KLHL14: variants seen among roughly 807,000 people sequenced by gnomAD.
KLHL14 encodes kelch-like protein 14.
In KLHL14, 22 loss-of-function variants were observed where a neutral mutation model predicts 64.3. The ratio of observed to expected loss-of-function variants is 0.34; its 90% CI spans 0.24 to 0.49. The LOEUF (loss-of-function observed/expected upper bound fraction) is 0.49, where lower values mean the gene tolerates loss of function less well. Among genes scored for constraint, KLHL14 ranks in the 20% least tolerant of loss-of-function variants. The probability of loss-of-function intolerance (pLI) is 0.99; values close to 1 mark genes in which losing one functional copy is unlikely to be tolerated. For synonymous variants in KLHL14, 322 were observed against 333.4 expected (o/e 0.97, Z 0.37); for missense variants, 661 against 789.0 (o/e 0.84, Z 1.94).
At chr18:32,740,188 A>G (rs1387327704) in intron 3 of KLHL14, among the ~76,000 whole-genome samples, 1 of 152,200 alleles carries the variant, frequency 6.6e-6, no homozygotes, top group Non-Finnish European at 1.5e-5. Context: ...TAAGGTGACC[A>G]TATGTTCCAG....
chr18:32,769,018 A>G (rs2144197521), intron 2 of KLHL14, among the ~76,000 whole-genome samples: 1 of 152,370 alleles, frequency 6.6e-6, no homozygotes, highest in South Asian at 2.1e-4. Context: ...GCTTTCCACA[A>G]CATAGAAAAG....
At chr18:32,734,030 C>A in intron 3 of KLHL14, 1 of 632,124 alleles carries the variant, frequency 1.6e-6, no homozygotes, top group Non-Finnish European at 2.9e-6. Flanking sequence ...ACCCAGAGGT[C>A]CTCCACAATG....
chr18:32,772,726 C>T lies in KLHL14; in HGVS notation c.-103G>A, dbSNP rs968780840. 2.0e-5 allele frequency: 3 copies of T among 152,760 alleles called. No individual in the cohort carries two copies. Among genetic ancestry groups the T allele is most frequent in the Non-Finnish European group, 4.4e-5 (3 of 68,494 alleles). The allele number at this position is 152,760 out of a possible 1,614,324, so 9.5% of individuals were successfully genotyped here. ...TAAGCTCCCCCCAAAAATCAATTGT[C>T]CTTCCTTTTTAAAGGTTTGCTGTCT... is the stretch of plus-strand genomic sequence containing the variant. On this transcript the variant is annotated 5_prime_UTR_variant, in exon 1 of 9. Coordinates refer to ENST00000359358, the MANE Select transcript of KLHL14 (RefSeq NM_020805.3).
At chr18:32,762,739 T>C (rs1236956705) in intron 2 of KLHL14, among the ~76,000 whole-genome samples, 1 of 152,138 alleles carries the variant, frequency 6.6e-6, no homozygotes, top group Non-Finnish European at 1.5e-5. Context: ...TTTAAAGAAA[T>C]CATCATTAGT....
At chr18:32,764,832 C>A (rs1278610369) in intron 2 of KLHL14, among the ~76,000 whole-genome samples, 1 of 152,064 alleles carries the variant, frequency 6.6e-6, no homozygotes, top group African/African-American at 2.4e-5. Context: ...CACTGTGTTG[C>A]TTTTTATAGA....
chr18:32,769,927 C>T lies in KLHL14; in HGVS notation c.665G>A (p.Arg222His). Residue 222 changes from arginine (R) to histidine (H), a missense_variant, in exon 2 of 9, where the codon CGC becomes CAC. By Grantham distance (29) the Arg-to-His change is conservative. This residue lies in a region of KLHL14 where 331 missense variants were observed against 339.0 expected (regional missense o/e 0.98). Transcript: ENST00000359358. ...DVLLLNFEEM[R>H]ALLDSLPPPV... ...GGGCGGCAGCGAGTCCAGCAGGGCG[C>T]GCATCTCCTCGAAGTTGAGCAGCAG... The T allele has an allele frequency of 1.2e-6, 2 of 1,614,162 alleles. No homozygotes were observed. The highest frequency in any genetic ancestry group is 1.7e-6 in the Non-Finnish European group (2 of 1,180,048).
At chr18:32,711,413 T>C (rs2050018556) in intron 3 of KLHL14, among the ~76,000 whole-genome samples, 1 of 152,214 alleles carries the variant, frequency 6.6e-6, no homozygotes, top group African/African-American at 2.4e-5. Context: ...CTGTTTACAA[T>C]ACAACCTATT....
chr18:32,737,028 A>G (rs2050169822), intron 3 of KLHL14, among the ~76,000 whole-genome samples: 1 of 152,100 alleles, frequency 6.6e-6, no homozygotes, highest in Admixed American at 6.6e-5. Context: ...ATAATTGCTT[A>G]TTACATAAAG....
intron 2 of KLHL14, among the ~76,000 whole-genome samples, chr18:32,760,355 C>CACACACACACACATAT (rs1555666672): frequency 6.6e-6 from 1 of 151,784 alleles, no homozygotes; most frequent in East Asian, 2.0e-4. Flanking sequence ...CACACACACA[C>CACACACACACACATAT]ACACACATAT....
intron 3 of KLHL14, among the ~76,000 whole-genome samples, chr18:32,700,376 T>G (rs1178033773): frequency 1.3e-5 from 2 of 151,922 alleles, no homozygotes; most frequent in Non-Finnish European, 2.9e-5. Flanking sequence ...AAAAATACAA[T>G]CTTAAAAAAA....
At chr18:32,717,399 G>A (rs554514086) in intron 3 of KLHL14, among the ~76,000 whole-genome samples, 49 of 152,180 alleles carry the variant, frequency 3.2e-4, no homozygotes, top group South Asian at 6.2e-4. Context: ...TCTATGATTC[G>A]TACGAAATGC....
intron 3 of KLHL14, among the ~76,000 whole-genome samples, chr18:32,715,001 T>C (rs1476286632): frequency 1.3e-5 from 2 of 152,112 alleles, no homozygotes; most frequent in Non-Finnish European, 2.9e-5. Context: ...AAAATCTATT[T>C]CAACCTTTCA....
At chr18:32,752,163 A>C (rs1168777130) in intron 2 of KLHL14, among the ~76,000 whole-genome samples, 1 of 152,116 alleles carries the variant, frequency 6.6e-6, no homozygotes, top group East Asian at 1.9e-4. Context: ...ACCAACAACA[A>C]AGAAGGAATA....
chr18:32,729,027 G>A (rs1568076237), intron 3 of KLHL14, among the ~76,000 whole-genome samples: 1 of 152,186 alleles, frequency 6.6e-6, no homozygotes, highest in Non-Finnish European at 1.5e-5. Flanking sequence ...CACCCAATAT[G>A]TGGTCCTTTG....
At chr18:32,716,588 T>C (rs942007229) in intron 3 of KLHL14, among the ~76,000 whole-genome samples, 1 of 152,108 alleles carries the variant, frequency 6.6e-6, no homozygotes, top group Non-Finnish European at 1.5e-5. Flanking sequence ...CTAATTTTTT[T>C]TGTATGTTTG....
rs1238044349 is a variant in KLHL14 at position 32,769,917 on chromosome 18, C to G, written c.675G>C (p.Leu225=). The change falls in exon 2 of 9, where the codon CTG becomes CTC. Residue 225 remains leucine, a synonymous_variant. Transcript: ENST00000359358. The stretch of plus-strand genomic sequence containing the variant: ...ACTCCACGGGGGGCGGCAGCGAGTC[C>G]AGCAGGGCGCGCATCTCCTCGAAGT... ...LLNFEEMRAL[L]DSLPPPVESE... is the part of the protein sequence containing the mutation. 2 of 1,613,998 alleles carry G rather than the reference C, an allele frequency of 1.2e-6. No homozygotes were observed. The highest frequency in any genetic ancestry group is 1.7e-6 in the Non-Finnish European group (2 of 1,180,052).
At chr18:32,721,694 A>C (rs2050080615) in intron 3 of KLHL14, among the ~76,000 whole-genome samples, 1 of 152,164 alleles carries the variant, frequency 6.6e-6, no homozygotes, top group Non-Finnish European at 1.5e-5. Context: ...CTCAAGTACC[A>C]ATCTGAAATT....
intron 3 of KLHL14, among the ~76,000 whole-genome samples, chr18:32,695,821 ATGC>A (rs993260743): frequency 1.3e-5 from 2 of 152,130 alleles, no homozygotes; most frequent in African/African-American, 4.8e-5. Context: ...ACAACCTGTC[ATGC>A]TGCTTTCGAT....
chr18:32,763,290 A>G (rs931407513), intron 2 of KLHL14, among the ~76,000 whole-genome samples: 3 of 152,172 alleles, frequency 2.0e-5, no homozygotes, highest in Non-Finnish European at 4.4e-5. Context: ...GAAGGATAGA[A>G]TTCTGGCTTT....
Sources: gnomAD v4.1 joint callset for allele counts (sites outside exome capture counted in the v4.1 genomes callset) on GRCh38, gnomAD v4.1.1 for gene constraint, gnomAD v4.1.1 regional missense constraint, MANE v1.5 for transcripts, NCBI Gene and HGNC (gene_info 2026-07-23, HGNC 2026-07-21) for gene names.